Variants in FBXO40 observed in about 807,000 individuals in gnomAD.
FBXO40 encodes the protein F-box only protein 40.
In FBXO40, 50 loss-of-function variants were observed where a neutral mutation model predicts 49.9. The ratio of observed to expected loss-of-function variants is 1.00; its 90% CI spans 0.80 to 1.27. The LOEUF (loss-of-function observed/expected upper bound fraction) is 1.27. FBXO40 is among the 50% of genes most tolerant of loss of function. FBXO40 has a pLI of 0.00. For synonymous variants in FBXO40, 340 were observed against 320.2 expected, an observed-to-expected ratio of 1.06 and a Z score of -0.66; for missense variants, 895 against 870.1, an observed-to-expected ratio of 1.03 and a Z score of -0.36.
At chr3:121,612,931 A>G (rs993805408) in intron 1 of FBXO40, among the ~76,000 whole-genome samples, 3 of 151,970 alleles carry the variant, frequency 2.0e-5, no homozygotes, top group South Asian at 2.1e-4. Flanking sequence ...TTAGCCAGGC[A>G]TGGTGGCGGG....
At position 121,615,679 on chromosome 3, in the gene FBXO40, T is replaced by C. The variant is rs74957665; in HGVS notation, c.-30-4867T>C. 6.3e-3 allele frequency among the ~76,000 whole-genome samples: 954 copies of C among 152,282 alleles called. 10 individuals are homozygous for C. Among genetic ancestry groups the C allele is most frequent in the African/African-American group, 0.022 (902 of 41,546 alleles). On this transcript the variant is annotated intron_variant, in intron 1 of 3. Transcript: ENST00000338040. ...CTAAAGGTAGCAGCTGTCAGTGTTA[T>C]TGAACACCATCAATCTTTTAACCTC...
At chr3:121,599,721 TATA>T (rs1560126975) in intron 1 of FBXO40, among the ~76,000 whole-genome samples, 13 of 76,824 alleles carry the variant, frequency 1.7e-4, no homozygotes, top group African/African-American at 5.2e-4. Flanking sequence ...TATATATATA[TATA>T]TTTTTTTTTT....
intron 3 of FBXO40, 145 bp from the exon 4 acceptor site, chr3:121,626,550 C>A (rs1003176132): frequency 1.4e-6 from 1 of 718,392 alleles, no homozygotes; most frequent in Admixed American, 2.2e-5. Flanking sequence ...GGAGGAGGGG[C>A]TACCAAATGT....
intron 1 of FBXO40, among the ~76,000 whole-genome samples, chr3:121,602,706 C>T (rs1213153104): frequency 6.6e-6 from 1 of 152,158 alleles, no homozygotes. Flanking sequence ...AAATGGCTCC[C>T]TATTGTGTAT....
At chr3:121,608,471 G>C (rs2048947178) in intron 1 of FBXO40, among the ~76,000 whole-genome samples, 1 of 152,206 alleles carries the variant, frequency 6.6e-6, no homozygotes, top group East Asian at 1.9e-4. Context: ...AGTTTGGCCT[G>C]CTAGAATAAA....
chr3:121,596,709 C>T (rs1434714433), intron 1 of FBXO40, among the ~76,000 whole-genome samples: 1 of 152,076 alleles, frequency 6.6e-6, no homozygotes, highest in Non-Finnish European at 1.5e-5. Context: ...TAAATCCAGC[C>T]CACTGAGGTC....
At chr3:121,614,930 A>G (rs533621521) in intron 1 of FBXO40, among the ~76,000 whole-genome samples, 2 of 152,344 alleles carry the variant, frequency 1.3e-5, no homozygotes, top group East Asian at 3.9e-4. Flanking sequence ...AAGTGAAAGA[A>G]GCACATTTGC....
At position 121,620,565 on chromosome 3, in the gene FBXO40, A is replaced by G. The variant is rs1258524214; in HGVS notation, c.-11A>G. 6.2e-7 allele frequency: 1 copy of G among 1,614,146 alleles called. No homozygotes were observed. Among genetic ancestry groups the G allele is most frequent in the African/African-American group, 1.3e-5 (1 of 75,060 alleles). On this transcript the variant is annotated 5_prime_UTR_variant, in exon 2 of 4. Transcript: ENST00000338040. ...CCGTAGAGCTAAGAAGCAAGAAGAA[A>G]TTGGGGCGCCATGGTAAGCACCAGG...
intron 1 of FBXO40, among the ~76,000 whole-genome samples, chr3:121,605,665 G>A (rs1474784732): frequency 6.6e-6 from 1 of 152,196 alleles, no homozygotes; most frequent in Non-Finnish European, 1.5e-5. Context: ...CTAGAAAGGA[G>A]GTGCCCAGTG....
chr3:121,621,515 C>G lies in FBXO40; in HGVS notation c.86C>G (p.Pro29Arg). The change falls in exon 3 of 4, where the codon CCC (proline) becomes CGC (arginine). Residue 29 changes from proline to arginine, a missense_variant. Coordinates refer to ENST00000338040, the MANE Select transcript of FBXO40 (RefSeq NM_016298.4). ...CGCCACTGCCACATTCCTGTGGAACCCAACACCTCCTGCCTGGTAATAAGC... is the reference window on the plus strand; with the variant it reads ...CGCCACTGCCACATTCCTGTGGAACGCAACACCTCCTGCCTGGTAATAAGC... ...FNRHCHIPVEPNTSCLVISCH... is the reference protein window; with the variant it reads ...FNRHCHIPVERNTSCLVISCH... 1 of 1,614,232 alleles carries G rather than the reference C, an allele frequency of 6.2e-7. No individual in the cohort carries two copies. Among genetic ancestry groups the G allele is most frequent in the Non-Finnish European group, 8.5e-7 (1 of 1,180,040 alleles).
Position 121,623,060 on chromosome 3 carries a change from C to T in FBXO40, c.1631C>T (p.Ala544Val), listed in dbSNP as rs746854889. 24 of 1,614,034 alleles carry T rather than the reference C, an allele frequency of 1.5e-5. No individual in the cohort carries two copies. Among genetic ancestry groups the T allele is most frequent in the African/African-American group, 1.3e-5 (1 of 74,918 alleles). ...VIYSQELKTF[A>V]IKPEVAPELS... ...TATAGCCAGGAGCTCAAGACCTTTGCCATTAAGCCGGAGGTTGCTCCAGAG... is the reference window on the plus strand; with the variant it reads ...TATAGCCAGGAGCTCAAGACCTTTGTCATTAAGCCGGAGGTTGCTCCAGAG... Residue 544 changes from alanine to valine, a missense_variant, in exon 3 of 4, where the codon GCC becomes GTC. By Grantham distance (64) the Ala-to-Val change is moderately conservative. Coordinates refer to ENST00000338040, the MANE Select transcript of FBXO40 (RefSeq NM_016298.4).
rs2048904538 is a variant in FBXO40, at chr3:121,602,239, TTC to T, written c.-31+8739_-31+8740del. 2.6e-5 allele frequency among the ~76,000 whole-genome samples: 4 copies of T among 152,190 alleles called. 1 individual carries two copies. In the South Asian group the frequency reaches 8.3e-4, roughly 32 times the overall value. ...ATGTACTTCATGGCTCCAATTTCTA[TTC>T]TGTTTTTACTTTCCCACATATGGCT... On this transcript the variant is annotated intron_variant, in intron 1 of 3. Transcript: ENST00000338040.
chr3:121,621,872 C>T lies in FBXO40; in HGVS notation c.443C>T (p.Pro148Leu). Reference sequence around the variant, plus strand: ...TCCTTGAAAATGGTGGAACTTTTCCCAGAAACTAGAGAGGCTACTGAGGAG... The same window carrying T: ...TCCTTGAAAATGGTGGAACTTTTCCTAGAAACTAGAGAGGCTACTGAGGAG... Reference protein sequence around the residue: ...FRSLKMVELFPETREATEEEP... With the variant: ...FRSLKMVELFLETREATEEEP... The change falls in exon 3 of 4, where the codon CCA (proline) becomes CTA (leucine). Residue 148 changes from proline (P) to leucine (L), a missense_variant. Transcript: ENST00000338040. The T allele has an allele frequency of 6.2e-7, 1 of 1,614,124 alleles. No individual in the cohort carries two copies. The highest frequency in any genetic ancestry group is 1.1e-5 in the South Asian group (1 of 91,070).
chr3:121,602,116 C>T (rs2048903975), intron 1 of FBXO40, among the ~76,000 whole-genome samples: 1 of 152,238 alleles, frequency 6.6e-6, no homozygotes, highest in Non-Finnish European at 1.5e-5. Flanking sequence ...TTTTCCTTTG[C>T]ATCTGTGACA....
At chr3:121,594,452 C>A (rs1417149761) in intron 1 of FBXO40, among the ~76,000 whole-genome samples, 1 of 152,164 alleles carries the variant, frequency 6.6e-6, no homozygotes, top group African/African-American at 2.4e-5. Flanking sequence ...CCACCCGCTT[C>A]GGCCTCCCAA....
intron 1 of FBXO40, among the ~76,000 whole-genome samples, chr3:121,614,644 AC>A (rs553378102): frequency 7.9e-4 from 120 of 151,958 alleles, no homozygotes; most frequent in African/African-American, 2.8e-3. Context: ...TTCCAAATAA[AC>A]CCTGGGGCTT....
chr3:121,603,727 T>C (rs1300321089), intron 1 of FBXO40, among the ~76,000 whole-genome samples: 4 of 152,156 alleles, frequency 2.6e-5, no homozygotes, highest in Non-Finnish European at 1.5e-5. Flanking sequence ...TTTTTATTTT[T>C]ATTTTTTTTG....
Position 121,627,144 on chromosome 3 carries a change from C to CTTTTCTTTTT in FBXO40, c.*236_*245dup. The CTTTTCTTTTT allele has an allele frequency of 3.8e-6, 2 of 525,872 alleles. No homozygotes were observed. Among genetic ancestry groups the CTTTTCTTTTT allele is most frequent in the Non-Finnish European group, 6.8e-6 (2 of 294,720 alleles). The allele number at this position is 525,872 out of a possible 1,614,324, so 32.6% of individuals were successfully genotyped here. A position where few individuals can be genotyped will look rare whatever the true frequency, so the allele number is the denominator to read the frequency against. On this transcript the variant is annotated 3_prime_UTR_variant, in exon 4 of 4. Coordinates refer to ENST00000338040, the MANE Select transcript of FBXO40 (RefSeq NM_016298.4). Reference sequence around the variant, plus strand: ...CTTGTTTCCTTTTTTCTTTTCTTTTCTTTTCTTTTTTCTTTCTTTCTAAAA... The same window carrying CTTTTCTTTTT: ...CTTGTTTCCTTTTTTCTTTTCTTTTCTTTTCTTTTTTTTTCTTTTTTCTTTCTTTCTAAAA...
At chr3:121,611,656 T>G (rs528218495) in intron 1 of FBXO40, among the ~76,000 whole-genome samples, 94 of 152,326 alleles carry the variant, frequency 6.2e-4, no homozygotes, top group South Asian at 1.7e-3. Flanking sequence ...TTTCCTCTTT[T>G]ACTAATCCAC....
Sources: allele counts gnomAD v4.1 joint callset (sites outside exome capture counted in the v4.1 genomes callset), GRCh38; gene constraint gnomAD v4.1.1; transcripts MANE v1.5; gene names NCBI Gene and HGNC (gene_info 2026-07-23, HGNC 2026-07-21).